Variants in UBE2U observed in about 807,000 individuals in gnomAD.
UBE2U encodes the protein ubiquitin-conjugating enzyme E2 U.
Under a neutral mutation model 41.2 loss-of-function variants are expected in UBE2U, and 39 were observed. That is an observed-to-expected ratio of 0.95 (90% CI 0.73 to 1.24). UBE2U has a LOEUF of 1.24. Among genes scored for constraint, UBE2U ranks in the 50% most tolerant of loss-of-function variants. UBE2U has a pLI of 0.00. For synonymous variants in UBE2U, 107 were observed against 117.8 expected (o/e 0.91, Z 0.60); for missense variants, 336 against 363.1 (o/e 0.93, Z 0.61).
At chr1:64,247,289 ACCAC>A (rs1029883485) in intron 8 of UBE2U, among the ~76,000 whole-genome samples, 2 of 152,186 alleles carry the variant, frequency 1.3e-5, no homozygotes, top group Non-Finnish European at 2.9e-5. Context: ...ATCCAGTGGA[ACCAC>A]CCCTACTATA....
intron 6 of UBE2U, among the ~76,000 whole-genome samples, chr1:64,230,759 C>T (rs910289136): frequency 6.6e-5 from 10 of 152,254 alleles, no homozygotes; most frequent in South Asian, 2.1e-4. Context: ...AACACTTTAT[C>T]GCGTTAATAT....
At chr1:64,253,045 A>T (rs1645036398) in intron 8 of UBE2U, among the ~76,000 whole-genome samples, 1 of 152,208 alleles carries the variant, frequency 6.6e-6, no homozygotes, top group Non-Finnish European at 1.5e-5. Flanking sequence ...GATAACCAGA[A>T]TATCCAGTTT....
intron 7 of UBE2U, among the ~76,000 whole-genome samples, chr1:64,239,117 G>GA (rs1239038321): frequency 8.8e-5 from 2 of 22,702 alleles, no homozygotes; most frequent in African/African-American, 3.0e-4. Context: ...AGAAGAAGAA[G>GA]AAGAAGAAGA....
intron 8 of UBE2U, among the ~76,000 whole-genome samples, chr1:64,254,979 A>C (rs1645067548): frequency 6.6e-6 from 1 of 152,120 alleles, no homozygotes; most frequent in Non-Finnish European, 1.5e-5. Context: ...CAACAAATTC[A>C]GGAGCTGTGT....
chr1:64,240,286 T>C (rs1644813683), intron 7 of UBE2U, among the ~76,000 whole-genome samples: 1 of 152,174 alleles, frequency 6.6e-6, no homozygotes, highest in Admixed American at 6.5e-5. Flanking sequence ...AAAGAGTTTA[T>C]CACCAGGGCA....
intron 6 of UBE2U, among the ~76,000 whole-genome samples, chr1:64,230,193 A>C (rs753094390): frequency 6.6e-6 from 1 of 152,152 alleles, no homozygotes; most frequent in Non-Finnish European, 1.5e-5. Context: ...CTCAGTAGTT[A>C]ATCCCTGAAT....
chr1:64,244,116 C>T lies in UBE2U; in HGVS notation c.677+2383C>T, dbSNP rs547469713. On this transcript the variant is annotated intron_variant, in intron 8 of 9. Transcript: ENST00000371077. The stretch of plus-strand genomic sequence containing the variant: ...GCTTTTAAAACTTTACTGTGGCCCT[C>T]ATTCAATTTGCAGATGAAAAATCTT... 2.9e-5 allele frequency: 46 copies of T among 1,594,362 alleles called. No homozygotes were observed. In the South Asian group the frequency reaches 4.2e-4, roughly 15 times the overall value.
chr1:64,246,389 T>C (rs1037591747), intron 8 of UBE2U, among the ~76,000 whole-genome samples: 1 of 152,236 alleles, frequency 6.6e-6, no homozygotes, highest in African/African-American at 2.4e-5. Flanking sequence ...GAGTAGATTC[T>C]TTTAATATAT....
intron 6 of UBE2U, among the ~76,000 whole-genome samples, chr1:64,221,606 C>T (rs1024768457): frequency 4.3e-4 from 65 of 152,168 alleles, no homozygotes; most frequent in Non-Finnish European, 2.4e-4. Context: ...TCATCTTGAA[C>T]ACCTGAACAA....
At chr1:64,250,568 T>C (rs113510402) in intron 8 of UBE2U, among the ~76,000 whole-genome samples, 25,867 of 152,154 alleles carry the variant, frequency 0.17, 2,879 homozygotes, top group Non-Finnish European at 0.25. Context: ...ACCGGGTATA[T>C]ACCCAAAGGA....
rs147312570 is a variant in UBE2U, at chr1:64,256,478, G to C, written c.678-4125G>C. ...GAAATAAGACCACACACCTACAACT[G>C]TCTGATCTTCAACAAACCTGACAAA... On this transcript the variant is annotated intron_variant, in intron 8 of 9. Coordinates refer to ENST00000371077, the MANE Select transcript of UBE2U (RefSeq NM_001366232.2). 8.0e-4 allele frequency among the ~76,000 whole-genome samples: 122 copies of C among 152,098 alleles called. 2 individuals carry two copies. The East Asian group carries it at 8.9e-3, about 11-fold the overall frequency.
At chr1:64,214,746 A>T (rs1253401821) in intron 4 of UBE2U, 69 bp from the exon 5 acceptor site, 2 of 1,150,522 alleles carry the variant, frequency 1.7e-6, no homozygotes, top group Non-Finnish European at 2.6e-6. Context: ...AGTTGTATAT[A>T]TTGGTTTGTC....
At chr1:64,247,483 A>G (rs1372979286) in intron 8 of UBE2U, among the ~76,000 whole-genome samples, 1 of 152,136 alleles carries the variant, frequency 6.6e-6, no homozygotes, top group African/African-American at 2.4e-5. Flanking sequence ...TGAAGAGACT[A>G]ATGCCTTCCC....
intron 6 of UBE2U, among the ~76,000 whole-genome samples, chr1:64,230,609 G>A (rs1570042789): frequency 6.7e-6 from 1 of 149,816 alleles, no homozygotes; most frequent in African/African-American, 2.5e-5. Flanking sequence ...TTTTTTTCCA[G>A]ACCTGTATCC....
chr1:64,205,802 G>T (rs1201686535), intron 2 of UBE2U, 82 bp downstream of exon 2: 4 of 1,080,032 alleles, frequency 3.7e-6, no homozygotes, highest in East Asian at 2.5e-5. Context: ...GTAGGATAAG[G>T]TCGCATTATA....
intron 9 of UBE2U, among the ~76,000 whole-genome samples, chr1:64,264,790 T>C (rs1645230250): frequency 6.7e-6 from 1 of 148,842 alleles, no homozygotes; most frequent in East Asian, 1.9e-4. Context: ...CCATCCCTAC[T>C]AAAAAAAAAA....
intron 7 of UBE2U, among the ~76,000 whole-genome samples, chr1:64,237,857 A>C (rs1644698599): frequency 6.6e-6 from 1 of 152,216 alleles, no homozygotes. Context: ...TATAAGGAAG[A>C]GACAGCCATA....
intron 3 of UBE2U, among the ~76,000 whole-genome samples, chr1:64,207,726 A>C (rs1280978928): frequency 6.6e-6 from 1 of 152,254 alleles, no homozygotes; most frequent in Non-Finnish European, 1.5e-5. Flanking sequence ...GAAATCTAAT[A>C]GAATTTTTAT....
chr1:64,228,560 A>G (rs1428841105), intron 6 of UBE2U, among the ~76,000 whole-genome samples: 1 of 152,124 alleles, frequency 6.6e-6, no homozygotes, highest in Non-Finnish European at 1.5e-5. Context: ...TGGATAACAG[A>G]AGAAAAGGAT....
Sources: allele counts gnomAD v4.1 joint callset (sites outside exome capture counted in the v4.1 genomes callset), GRCh38; gene constraint gnomAD v4.1.1; transcripts MANE v1.5; gene names NCBI Gene and HGNC (gene_info 2026-07-23, HGNC 2026-07-21).